The following MON2 variants were observed in gnomAD, a reference collection of about 807,000 sequenced individuals.
MON2 encodes the protein protein MON2 homolog.
MON2 carries 84 observed loss-of-function variants against 208.6 expected under a neutral mutation model. The ratio of observed to expected loss-of-function variants is 0.40; its 90% CI spans 0.34 to 0.48. The LOEUF (loss-of-function observed/expected upper bound fraction) is 0.48, where lower values mean the gene tolerates loss of function less well. MON2 is among the 20% of genes least tolerant of loss of function. The pLI, the probability that MON2 is intolerant of heterozygous loss-of-function variation, is 0.59. For missense variants in MON2, 1,611 were observed against 2,015.4 expected (o/e 0.80, Z 3.84); for synonymous variants, 660 against 694.0 (o/e 0.95, Z 0.77).
Position 62,508,481 on chromosome 12 carries a change from G to GT in MON2, c.984+2dup. On this transcript the variant is annotated splice_donor_variant, in intron 8 of 34. Coordinates refer to ENST00000393630, the MANE Select transcript of MON2 (RefSeq NM_015026.3). LOFTEE classifies it high-confidence loss of function. Reference sequence around the variant, plus strand: ...GATTAAGCAGTTTTACAGTCTTTTGGTAAGTGCTAATTTCCTTATGTATTT... The same window carrying GT: ...GATTAAGCAGTTTTACAGTCTTTTGGTTAAGTGCTAATTTCCTTATGTATTT... The GT allele has an allele frequency of 6.2e-7, 1 of 1,612,506 alleles. No homozygotes were observed. Among genetic ancestry groups the GT allele is most frequent in the Non-Finnish European group, 8.5e-7 (1 of 1,178,594 alleles).
At chr12:62,521,514 C>T (rs1220635797) in intron 8 of MON2, among the ~76,000 whole-genome samples, 1 of 152,126 alleles carries the variant, frequency 6.6e-6, no homozygotes, top group African/African-American at 2.4e-5. Flanking sequence ...GAAATGGTCT[C>T]AGGGACTCCT....
intron 8 of MON2, among the ~76,000 whole-genome samples, chr12:62,521,683 G>A (rs1467599556): frequency 6.6e-6 from 1 of 152,070 alleles, no homozygotes; most frequent in East Asian, 1.9e-4. Flanking sequence ...GAGGAAATTA[G>A]AATTTCTCAC....
At chr12:62,536,732 G>A (rs1232329439) in intron 14 of MON2, among the ~76,000 whole-genome samples, 1 of 149,874 alleles carries the variant, frequency 6.7e-6, no homozygotes, top group Admixed American at 6.7e-5. Context: ...CTGTCGCTCA[G>A]CCTAGAGTGC....
intron 8 of MON2, among the ~76,000 whole-genome samples, chr12:62,517,884 A>C (rs1242605401): frequency 6.6e-6 from 1 of 152,198 alleles, no homozygotes; most frequent in Non-Finnish European, 1.5e-5. Flanking sequence ...TTAATTCCTC[A>C]GTAATTTCCA....
chr12:62,533,214 A>T (rs1203721641), intron 12 of MON2, among the ~76,000 whole-genome samples: 2 of 152,182 alleles, frequency 1.3e-5, no homozygotes, highest in Non-Finnish European at 2.9e-5. Flanking sequence ...GCTGTGCTGT[A>T]CTTACTGTAT....
At position 62,558,001 on chromosome 12, in the gene MON2, T is replaced by C. The variant is rs1592392263; in HGVS notation, c.3409+1809T>C. Among the ~76,000 whole-genome samples, 7 of 113,914 alleles carry C rather than the reference T, an allele frequency of 6.1e-5. 3 individuals carry two copies. The Admixed American group carries it at 7.1e-4, about 12-fold the overall frequency. 74.7% of individuals were successfully genotyped at this position (113,914 alleles called of 152,430 possible). A position where few individuals can be genotyped will look rare whatever the true frequency, so the allele number is the denominator to read the frequency against. On this transcript the variant is annotated intron_variant, in intron 25 of 34. Coordinates refer to ENST00000393630, the MANE Select transcript of MON2 (RefSeq NM_015026.3). ...TTTTTTTTTTTTTTTTGAGATGGAG[T>C]CTCGTTCTTGTTGCCCAGGCTGGAG... is the stretch of plus-strand genomic sequence containing the variant.
Position 62,575,897 on chromosome 12 carries a change from G to A in MON2, c.4515-2548G>A, listed in dbSNP as rs564361953. ...TATAAAGGAGACACAATGGGTGAGTGGGAAGTTACACAATCTGTGGACCTT... is the reference window on the plus strand; with the variant it reads ...TATAAAGGAGACACAATGGGTGAGTAGGAAGTTACACAATCTGTGGACCTT... On this transcript the variant is annotated intron_variant, in intron 30 of 34. Transcript: ENST00000393630. Among the ~76,000 whole-genome samples the A allele has an allele frequency of 8.5e-5, 13 of 152,184 alleles. 1 individual carries two copies. The Middle Eastern group carries it at 0.017, about 199-fold the overall frequency.
At chr12:62,571,618 T>G (rs1250704881) in intron 30 of MON2, 36 bp downstream of exon 30, 1 of 1,503,190 alleles carries the variant, frequency 6.7e-7, no homozygotes. Flanking sequence ...AGACAAGAAG[T>G]GGCACATTAT....
chr12:62,559,273 T>C (rs950060590), intron 25 of MON2, among the ~76,000 whole-genome samples: 3 of 152,236 alleles, frequency 2.0e-5, no homozygotes, highest in Non-Finnish European at 4.4e-5. Flanking sequence ...TTGGAAAATA[T>C]CAACTTTCCT....
intron 8 of MON2, among the ~76,000 whole-genome samples, chr12:62,511,977 C>T (rs1301462251): frequency 2.8e-5 from 4 of 143,810 alleles, no homozygotes; most frequent in Admixed American, 2.1e-4. Flanking sequence ...AAGAGAAGAG[C>T]GCTTATGCAG....
chr12:62,585,613 T>G, intron 33 of MON2, 112 bp downstream of exon 33: 1 of 789,406 alleles, frequency 1.3e-6, no homozygotes, highest in Non-Finnish European at 2.0e-6. Context: ...TAAGCTGAAG[T>G]TGTTTATAAT....
At chr12:62,562,078 T>C (rs150230685) in intron 26 of MON2, among the ~76,000 whole-genome samples, 1 of 152,238 alleles carries the variant, frequency 6.6e-6, no homozygotes, top group Admixed American at 6.5e-5. Flanking sequence ...TTTTCTACAA[T>C]TGAACTCAAA....
intron 30 of MON2, among the ~76,000 whole-genome samples, chr12:62,572,034 C>T (rs182194631): frequency 6.6e-6 from 1 of 152,214 alleles, no homozygotes; most frequent in African/African-American, 2.4e-5. Flanking sequence ...TAATTTAAAG[C>T]TTGTATTTAG....
At chr12:62,526,989 G>T (rs2072364907) in intron 11 of MON2, among the ~76,000 whole-genome samples, 1 of 151,958 alleles carries the variant, frequency 6.6e-6, no homozygotes, top group African/African-American at 2.4e-5. Context: ...TAGCTGGAAT[G>T]GTGGTGTGCA....
At chr12:62,579,629 G>C (rs1356894369) in intron 31 of MON2, among the ~76,000 whole-genome samples, 1 of 152,172 alleles carries the variant, frequency 6.6e-6, no homozygotes, top group African/African-American at 2.4e-5. Flanking sequence ...GGGAGGCTGA[G>C]GCAGGGGAAT....
chr12:62,569,680 G>A (rs2074513583), intron 29 of MON2, among the ~76,000 whole-genome samples: 3 of 152,150 alleles, frequency 2.0e-5, no homozygotes, highest in South Asian at 4.1e-4. Context: ...ATTATGGCCA[G>A]GGAAATTGAT....
At chr12:62,551,449 G>A (rs2073739182) in intron 23 of MON2, among the ~76,000 whole-genome samples, 1 of 152,102 alleles carries the variant, frequency 6.6e-6, no homozygotes, top group Non-Finnish European at 1.5e-5. Flanking sequence ...TGCGGCTCAT[G>A]CACCCCAAAA....
At chr12:62,546,038 T>G (rs536305018) in intron 21 of MON2, among the ~76,000 whole-genome samples, 1 of 152,296 alleles carries the variant, frequency 6.6e-6, no homozygotes, top group South Asian at 2.1e-4. Flanking sequence ...GGTTTTCAGA[T>G]GCTGAAAGGG....
In MON2 at chr12:62,467,158, GC is replaced by G; in HGVS notation, c.-48del. The G allele has an allele frequency of 6.6e-7, 1 of 1,520,778 alleles. No homozygotes were observed. The highest frequency in any genetic ancestry group is 9.0e-7 in the Non-Finnish European group (1 of 1,106,718). 94.2% of individuals were successfully genotyped at this position (1,520,778 alleles called of 1,614,324 possible). On this transcript the variant is annotated 5_prime_UTR_variant, in exon 1 of 35. Transcript: ENST00000393630. ...CCTGTGGCCCTAAGGAGCTGACCGTGCCAGAGCTTGTTTGTACCTCTCGGAA... is the reference window on the plus strand; with the variant it reads ...CCTGTGGCCCTAAGGAGCTGACCGTGCAGAGCTTGTTTGTACCTCTCGGAA...
Sources: gnomAD v4.1 joint callset for allele counts (sites outside exome capture counted in the v4.1 genomes callset) on GRCh38, gnomAD v4.1.1 for gene constraint, MANE v1.5 for transcripts, NCBI Gene and HGNC (gene_info 2026-07-23, HGNC 2026-07-21) for gene names.